The following CNTN4 variants were observed in gnomAD, a reference collection of about 807,000 sequenced individuals.
The protein encoded by CNTN4 is contactin-4.
CNTN4 carries 77 observed loss-of-function variants against 122.5 expected under a neutral mutation model. That is an observed-to-expected ratio of 0.63 (90% CI 0.52 to 0.76). The LOEUF (loss-of-function observed/expected upper bound fraction) is 0.76. CNTN4 is among the 30% of genes least tolerant of loss of function. CNTN4 has a pLI of 0.00. For synonymous variants in CNTN4, 512 were observed against 447.0 expected, an observed-to-expected ratio of 1.15 and a Z score of -1.83; for missense variants, 1,256 against 1,259.1, an observed-to-expected ratio of 1.00 and a Z score of 0.04.
intron 7 of CNTN4, among the ~76,000 whole-genome samples, chr3:2,824,472 A>T (rs1056857807): frequency 6.6e-6 from 1 of 151,750 alleles, no homozygotes; most frequent in African/African-American, 2.4e-5. Flanking sequence ...AAACAAAAAC[A>T]AAAACAAAAA....
intron 10 of CNTN4, among the ~76,000 whole-genome samples, chr3:2,891,538 G>C (rs907131369): frequency 6.6e-6 from 1 of 152,230 alleles, no homozygotes; most frequent in Non-Finnish European, 1.5e-5. Context: ...GGAAAGACTT[G>C]TCTGGGAATT....
intron 6 of CNTN4, among the ~76,000 whole-genome samples, chr3:2,811,016 G>GAA (rs76141502): frequency 1.5e-4 from 21 of 137,792 alleles, no homozygotes; most frequent in Admixed American, 8.0e-4. Context: ...TAGAGGCTCT[G>GAA]AAAAAAAAAA....
At position 2,641,212 on chromosome 3, in the gene CNTN4, C is replaced by A. The variant is rs531726335; in HGVS notation, c.55+69654C>A. On this transcript the variant is annotated intron_variant, in intron 4 of 24. Coordinates refer to ENST00000418658, the MANE Select transcript of CNTN4 (RefSeq NM_175607.3). ...AATGCTGTCATATGCTTGGCCTTTG[C>A]AAATTGCTCCATTAATTATTATAGG... 9.9e-5 allele frequency among the ~76,000 whole-genome samples: 15 copies of A among 152,042 alleles called. No individual in the cohort carries two copies. In the East Asian group the frequency reaches 2.7e-3, roughly 28 times the overall value.
rs542048617 is a variant in CNTN4, at chr3:2,993,827, C to G, written c.1486+5355C>G. On this transcript the variant is annotated intron_variant, in intron 14 of 24. Coordinates refer to ENST00000418658, the MANE Select transcript of CNTN4 (RefSeq NM_175607.3). ...TGATCTTGCATGCTGGAAATTTCCA[C>G]ATGTCCTTGAGTCTGATTATTAGCT... is the stretch of plus-strand genomic sequence containing the variant. 5.9e-5 allele frequency among the ~76,000 whole-genome samples: 9 copies of G among 152,332 alleles called. No individual in the cohort carries two copies. In the East Asian group the frequency reaches 1.4e-3, roughly 23 times the overall value.
At chr3:2,477,804 G>C (rs996559141) in intron 3 of CNTN4, among the ~76,000 whole-genome samples, 1 of 152,142 alleles carries the variant, frequency 6.6e-6, no homozygotes, top group Non-Finnish European at 1.5e-5. Context: ...AAACTGCTAC[G>C]TCTAATGAGC....
intron 3 of CNTN4, among the ~76,000 whole-genome samples, chr3:2,530,977 G>T (rs1228317259): frequency 2.0e-5 from 3 of 152,042 alleles, no homozygotes; most frequent in Admixed American, 2.0e-4. Context: ...TGTTAATTTG[G>T]CAGTTAAAAG....
At chr3:2,712,317 C>T (rs943954445) in intron 4 of CNTN4, among the ~76,000 whole-genome samples, 1 of 151,998 alleles carries the variant, frequency 6.6e-6, no homozygotes, top group Non-Finnish European at 1.5e-5. Context: ...AAATATATAG[C>T]CACGAAAATA....
At chr3:2,124,613 A>G (rs1303297693) in intron 2 of CNTN4, among the ~76,000 whole-genome samples, 1 of 151,850 alleles carries the variant, frequency 6.6e-6, no homozygotes, top group Non-Finnish European at 1.5e-5. Context: ...AACAATGACA[A>G]CAACAACAAC....
chr3:2,986,665 C>T (rs992048062), intron 13 of CNTN4, among the ~76,000 whole-genome samples: 1 of 152,178 alleles, frequency 6.6e-6, no homozygotes, highest in African/African-American at 2.4e-5. Flanking sequence ...CCATCCTAGA[C>T]CCCTGTTTCA....
intron 3 of CNTN4, among the ~76,000 whole-genome samples, chr3:2,340,708 T>TAGAGAGAG (rs1414538595): frequency 1.3e-3 from 32 of 25,366 alleles, no homozygotes; most frequent in Admixed American, 4.5e-3. Flanking sequence ...TATATATATA[T>TAGAGAGAG]ATAGAGAGAG....
intron 4 of CNTN4, among the ~76,000 whole-genome samples, chr3:2,633,898 C>G (rs191772905): frequency 1.5e-3 from 236 of 152,272 alleles, no homozygotes; most frequent in Non-Finnish European, 2.7e-3. Flanking sequence ...AGTGGAAACA[C>G]GCATTTTCTA....
intron 3 of CNTN4, among the ~76,000 whole-genome samples, chr3:2,511,013 T>C (rs2076870824): frequency 6.6e-6 from 1 of 152,146 alleles, no homozygotes; most frequent in African/African-American, 2.4e-5. Context: ...ACACCAGCTT[T>C]AGTTCAGCCA....
intron 14 of CNTN4, among the ~76,000 whole-genome samples, chr3:2,996,899 T>C (rs1861165): frequency 0.045 from 6,798 of 152,290 alleles, 200 homozygotes; most frequent in African/African-American, 0.083. Context: ...CTACCACTTC[T>C]GAACTCATCC....
In CNTN4 at chr3:2,196,790, A is replaced by G. The variant is rs1327880262; in HGVS notation, c.-145+96151A>G. 3.3e-5 allele frequency among the ~76,000 whole-genome samples: 5 copies of G among 152,058 alleles called. No homozygotes were observed. In the East Asian group the frequency reaches 9.7e-4, roughly 29 times the overall value. ...CCGGGCACGGTGGCTCGCTCCTGTA[A>G]TCCCAGCACTTTGGAAGGCCGAGGT... On this transcript the variant is annotated intron_variant, in intron 2 of 24. Transcript: ENST00000418658.
At chr3:2,409,511 T>C (rs189205411) in intron 3 of CNTN4, among the ~76,000 whole-genome samples, 98 of 152,270 alleles carry the variant, frequency 6.4e-4, no homozygotes, top group African/African-American at 2.4e-3. Context: ...CCTCCCAAAG[T>C]GCTGAGATTA....
Position 2,706,970 on chromosome 3 carries a change from A to ATGTGTG in CNTN4, c.56-29240_56-29239insGTGTGT, listed in dbSNP as rs541975299. The stretch of plus-strand genomic sequence containing the variant: ...AACTGGCATGGGGAAGCACTAGATT[A>ATGTGTG]TGTGTATGTGTGTGTGTGTGTGTAT... On this transcript the variant is annotated intron_variant, in intron 4 of 24. Transcript: ENST00000418658. 1.4e-4 allele frequency among the ~76,000 whole-genome samples: 21 copies of ATGTGTG among 151,828 alleles called. 1 individual carries two copies. The highest frequency in any genetic ancestry group is 3.6e-4 in the African/African-American group (15 of 41,306).
chr3:2,448,979 C>A (rs985245138), intron 3 of CNTN4, among the ~76,000 whole-genome samples: 2 of 152,124 alleles, frequency 1.3e-5, no homozygotes, highest in African/African-American at 4.8e-5. Flanking sequence ...TCCAACCTAG[C>A]CCATGTAACT....
rs1559445475 is a variant in CNTN4 at position 2,315,077 on chromosome 3, A to G, written c.-144-24101A>G. Among the ~76,000 whole-genome samples the G allele has an allele frequency of 2.6e-5, 4 of 152,254 alleles. No homozygotes were observed. In the South Asian group the frequency reaches 8.3e-4, roughly 32 times the overall value. ...ACTGAAATGTACATCAAAAAGAAAC[A>G]TGCATACAAAAACAAAAGGAGCTTT... On this transcript the variant is annotated intron_variant, in intron 2 of 24. Transcript: ENST00000418658.
chr3:2,305,665 C>A (rs2042676176), intron 2 of CNTN4, among the ~76,000 whole-genome samples: 1 of 151,944 alleles, frequency 6.6e-6, no homozygotes, highest in South Asian at 2.1e-4. Context: ...TAAACATAAC[C>A]TTTTTAAAGT....
Sources: allele counts gnomAD v4.1 joint callset (sites outside exome capture counted in the v4.1 genomes callset), GRCh38; gene constraint gnomAD v4.1.1; transcripts MANE v1.5; gene names NCBI Gene and HGNC (gene_info 2026-07-23, HGNC 2026-07-21).